Variants in CELA3A observed in about 807,000 individuals in gnomAD.
The protein encoded by CELA3A is chymotrypsin-like elastase family member 3A.
Under a neutral mutation model 38.6 loss-of-function variants are expected in CELA3A, and 35 were observed. The observed-to-expected ratio is 0.91, with a 90% CI of 0.69 to 1.20. The LOEUF is 1.20. CELA3A is among the 50% of genes most tolerant of loss of function. CELA3A has a pLI of 0.00. For missense variants in CELA3A, 343 were observed against 354.2 expected, an observed-to-expected ratio of 0.97 and a Z score of 0.25; for synonymous variants, 143 against 136.7, an observed-to-expected ratio of 1.05 and a Z score of -0.32.
Position 22,008,288 on chromosome 1 carries a change from G to A in CELA3A, c.642+773G>A, listed in dbSNP as rs1569873043. Among the ~76,000 whole-genome samples the A allele has an allele frequency of 1.3e-5, 2 of 149,746 alleles. 1 individual carries two copies. The highest frequency in any genetic ancestry group is 5.0e-5 in the African/African-American group (2 of 40,368). On this transcript the variant is annotated intron_variant, in intron 6 of 7. Transcript: ENST00000290122. ...ATGTCAGCCTCCCAAGCAGCCAGGA[G>A]TACAAGTGTGTGCCACAATGCCTAG...
At chr1:22,009,156 G>A (rs1259579682) in intron 6 of CELA3A, among the ~76,000 whole-genome samples, 2 of 151,226 alleles carry the variant, frequency 1.3e-5, no homozygotes, top group Non-Finnish European at 2.9e-5. Context: ...ACGTGGTCAG[G>A]AGATCGAGAC....
chr1:22,011,408 A>C (rs778084035), intron 7 of CELA3A, among the ~76,000 whole-genome samples: 8 of 137,532 alleles, frequency 5.8e-5, no homozygotes, highest in Admixed American at 7.6e-5. Context: ...AACAAACAAA[A>C]AAACAGTGAT....
intron 6 of CELA3A, among the ~76,000 whole-genome samples, chr1:22,009,149 T>A (rs1644968791): frequency 1.3e-5 from 2 of 151,020 alleles, no homozygotes; most frequent in Non-Finnish European, 2.9e-5. Context: ...GCGGATCACG[T>A]GGTCAGGAGA....
At chr1:22,011,000 G>A (rs1377521941) in intron 7 of CELA3A, 6 of 151,350 alleles carry the variant, frequency 4.0e-5, no homozygotes, top group Non-Finnish European at 2.9e-5. Flanking sequence ...TGCTTTGGCA[G>A]CACATGTACT....
intron 6 of CELA3A, among the ~76,000 whole-genome samples, chr1:22,007,807 C>G (rs1038488893): frequency 1.3e-5 from 2 of 151,238 alleles, no homozygotes; most frequent in African/African-American, 4.9e-5. Flanking sequence ...GTCCCATGAC[C>G]TCTAACGCAG....
At chr1:22,004,123 G>T (rs1644935070) in intron 2 of CELA3A, among the ~76,000 whole-genome samples, 1 of 146,402 alleles carries the variant, frequency 6.8e-6, no homozygotes. Flanking sequence ...CCAGGCTGGA[G>T]TGCAGTGGTG....
intron 3 of CELA3A, 33 bp downstream of exon 3, chr1:22,005,577 C>T: frequency 6.2e-7 from 1 of 1,612,528 alleles, no homozygotes; most frequent in African/African-American, 1.3e-5. Flanking sequence ...GCCTGTGGCC[C>T]TGGGCAGCGG....
In CELA3A at chr1:22,011,759, TA is replaced by T. The variant is rs761137136; in HGVS notation, c.796-678del. On this transcript the variant is annotated intron_variant, in intron 7 of 7. Transcript: ENST00000290122. ...TCGGTGACAGAGCAAGACTCTGTCTTAAAAAAAAAAAAAGGCCGGGCGTGGT... is the reference window on the plus strand; with the variant it reads ...TCGGTGACAGAGCAAGACTCTGTCTTAAAAAAAAAAAAGGCCGGGCGTGGT... Among the ~76,000 whole-genome samples the T allele has an allele frequency of 2.5e-3, 270 of 106,402 alleles. 4 individuals are homozygous for T. Among genetic ancestry groups the T allele is most frequent in the Admixed American group, 3.3e-3 (30 of 9,076 alleles). 69.8% of individuals were successfully genotyped at this position (106,402 alleles called of 152,430 possible).
chr1:22,005,586 G>C (rs59286706), intron 3 of CELA3A, 42 bp downstream of exon 3: 2 of 1,595,162 alleles, frequency 1.3e-6, no homozygotes, highest in Admixed American at 1.7e-5. Context: ...CCTGGGCAGC[G>C]GGGGAGAGTG....
At chr1:22,009,124 G>A (rs369546958) in intron 6 of CELA3A, among the ~76,000 whole-genome samples, 3 of 151,266 alleles carry the variant, frequency 2.0e-5, no homozygotes, top group African/African-American at 4.9e-5. Context: ...CCAGCACTTC[G>A]GGAGGCTGAG....
At position 22,007,031 on chromosome 1, in the gene CELA3A, C is replaced by T; in HGVS notation, c.499+17C>T. 6.2e-7 allele frequency: 1 copy of T among 1,610,744 alleles called. No homozygotes were observed. The highest frequency in any genetic ancestry group is 8.5e-7 in the Non-Finnish European group (1 of 1,178,348). On this transcript the variant is annotated intron_variant, in intron 5 of 7. Coordinates refer to ENST00000290122, the MANE Select transcript of CELA3A (RefSeq NM_005747.5). ...GTCTCTATAGTACGTGCTGACTTCT[C>T]TAGCTGGCCACAGAGACAGTGGCAG...
intron 2 of CELA3A, among the ~76,000 whole-genome samples, chr1:22,004,249 T>C (rs1196242399): frequency 6.6e-6 from 1 of 150,452 alleles, no homozygotes; most frequent in African/African-American, 2.5e-5. Flanking sequence ...TTTTTATACA[T>C]TGTTGTAGAG....
chr1:22,008,219 T>C lies in CELA3A; in HGVS notation c.642+704T>C, dbSNP rs1255021240. 7.2e-5 allele frequency among the ~76,000 whole-genome samples: 10 copies of C among 139,798 alleles called. 1 individual carries two copies. Among genetic ancestry groups the C allele is most frequent in the South Asian group, 2.4e-4 (1 of 4,202 alleles). 91.7% of individuals were successfully genotyped at this position (139,798 alleles called of 152,430 possible). On this transcript the variant is annotated intron_variant, in intron 6 of 7. Transcript: ENST00000290122. ...AGGCTGGAGTGCAGTAATGCCATCA[T>C]AGCCCACTGTAGCCTTGCCCTCCTG...
rs780590932 is a variant in CELA3A at position 22,005,402 on chromosome 1, T to C, written c.130-45T>C. 26 of 1,607,196 alleles carry C rather than the reference T, an allele frequency of 1.6e-5. No homozygotes were observed. The African/African-American group carries it at 2.4e-4, about 15-fold the overall frequency. ...ATACAGCCATTGGTGGCAACTCTCATGGTGGGGCCCAGCCCACTGAGGCCC... is the reference window on the plus strand; with the variant it reads ...ATACAGCCATTGGTGGCAACTCTCACGGTGGGGCCCAGCCCACTGAGGCCC... On this transcript the variant is annotated intron_variant, in intron 2 of 7. Coordinates refer to ENST00000290122, the MANE Select transcript of CELA3A (RefSeq NM_005747.5).
Position 22,007,017 on chromosome 1 carries a change from A to G in CELA3A, c.499+3A>G. 1 of 1,612,108 alleles carries G rather than the reference A, an allele frequency of 6.2e-7. No homozygotes were observed. Among genetic ancestry groups the G allele is most frequent in the South Asian group, 1.1e-5 (1 of 90,994 alleles). On this transcript the variant is annotated splice_donor_region_variant and intron_variant, in intron 5 of 7. Coordinates refer to ENST00000290122, the MANE Select transcript of CELA3A (RefSeq NM_005747.5). ...CACCGGCTGGGGCCGTCTCTATAGT[A>G]CGTGCTGACTTCTCTAGCTGGCCAC...
chr1:22,007,033 A>G lies in CELA3A; in HGVS notation c.499+19A>G. ...CTCTATAGTACGTGCTGACTTCTCT[A>G]GCTGGCCACAGAGACAGTGGCAGAA... On this transcript the variant is annotated intron_variant, in intron 5 of 7. Transcript: ENST00000290122. 12 of 1,610,330 alleles carry G rather than the reference A, an allele frequency of 7.5e-6. No homozygotes were observed. The highest frequency in any genetic ancestry group is 1.0e-5 in the Non-Finnish European group (12 of 1,178,106).
intron 7 of CELA3A, among the ~76,000 whole-genome samples, chr1:22,010,356 T>C (rs1293929619): frequency 6.6e-6 from 1 of 150,724 alleles, no homozygotes; most frequent in Non-Finnish European, 1.5e-5. Flanking sequence ...GGCATAGTCA[T>C]GCCTGTAATC....
At chr1:22,011,898 C>A in intron 7 of CELA3A, among the ~76,000 whole-genome samples, 1 of 124,446 alleles carries the variant, frequency 8.0e-6, no homozygotes. Context: ...ACTAAAAATA[C>A]AAAAATTAGC....
intron 1 of CELA3A, among the ~76,000 whole-genome samples, 176 bp from the exon 2 acceptor site, chr1:22,002,827 G>A (rs1644926338): frequency 6.6e-6 from 1 of 151,318 alleles, no homozygotes; most frequent in African/African-American, 2.4e-5. Context: ...ATTCTGGAAA[G>A]CCCTGCTCTA....
Sources: allele counts gnomAD v4.1 joint callset (sites outside exome capture counted in the v4.1 genomes callset), GRCh38; gene constraint gnomAD v4.1.1; transcripts MANE v1.5; gene names NCBI Gene and HGNC (gene_info 2026-07-23, HGNC 2026-07-21).